The following PIP4K2A variants were observed in gnomAD, a reference collection of about 807,000 sequenced individuals.
PIP4K2A encodes phosphatidylinositol 5-phosphate 4-kinase type-2 alpha.
Under a neutral mutation model 42.9 loss-of-function variants are expected in PIP4K2A, and 14 were observed. The observed-to-expected ratio is 0.33, with a 90% CI of 0.22 to 0.51. The LOEUF is 0.51. PIP4K2A is among the 20% of genes least tolerant of loss of function. PIP4K2A has a pLI of 0.97. For missense variants in PIP4K2A, 434 were observed against 519.8 expected, an observed-to-expected ratio of 0.83 and a Z score of 1.61; for synonymous variants, 192 against 192.2, an observed-to-expected ratio of 1.00 and a Z score of 0.01.
At chr10:22,547,260 T>G (rs1176361840) in intron 7 of PIP4K2A, among the ~76,000 whole-genome samples, 1 of 152,250 alleles carries the variant, frequency 6.6e-6, no homozygotes, top group Non-Finnish European at 1.5e-5. Flanking sequence ...TGTTAAAAAT[T>G]ATAATCCTCC....
intron 7 of PIP4K2A, 61 bp downstream of exon 7, chr10:22,550,598 T>C: frequency 1.0e-6 from 1 of 953,558 alleles, no homozygotes; most frequent in Middle Eastern, 2.1e-4. Context: ...AAAAAGCTCC[T>C]AAAACCCAAC....
intron 7 of PIP4K2A, among the ~76,000 whole-genome samples, chr10:22,547,251 G>C (rs1836279639): frequency 6.6e-6 from 1 of 152,214 alleles, no homozygotes; most frequent in African/African-American, 2.4e-5. Flanking sequence ...CTTACCACTT[G>C]TTAAAAATTA....
intron 5 of PIP4K2A, among the ~76,000 whole-genome samples, chr10:22,568,301 T>G (rs12249358): frequency 1.3e-5 from 2 of 152,164 alleles, no homozygotes; most frequent in Non-Finnish European, 2.9e-5. Flanking sequence ...CTGGCTGCAG[T>G]GGGACCACAG....
Position 22,664,144 on chromosome 10 carries a change from T to C in PIP4K2A, c.144+50039A>G, listed in dbSNP as rs1390034656. ...ATATATATATACATATATATATACATATATATACACATATATATATATACA... is the reference window on the plus strand; with the variant it reads ...ATATATATATACATATATATATACACATATATACACATATATATATATACA... On this transcript the variant is annotated intron_variant, in intron 1 of 9. Coordinates refer to ENST00000376573, the MANE Select transcript of PIP4K2A (RefSeq NM_005028.5). Among the ~76,000 whole-genome samples the C allele has an allele frequency of 9.8e-4, 30 of 30,658 alleles. 1 individual carries two copies. The highest frequency in any genetic ancestry group is 9.1e-3 in the African/African-American group (28 of 3,062). 20.1% of individuals were successfully genotyped at this position (30,658 alleles called of 152,430 possible).
intron 1 of PIP4K2A, among the ~76,000 whole-genome samples, chr10:22,672,761 G>A (rs1219889250): frequency 6.6e-6 from 1 of 152,180 alleles, no homozygotes; most frequent in Non-Finnish European, 1.5e-5. Context: ...TAACTCACAT[G>A]AGTCACACCA....
At chr10:22,622,489 C>CCG (rs984923721) in intron 1 of PIP4K2A, among the ~76,000 whole-genome samples, 7 of 152,250 alleles carry the variant, frequency 4.6e-5, no homozygotes, top group South Asian at 2.1e-4. Flanking sequence ...GGGCCCTCTG[C>CCG]CGCTGTCCCC....
In PIP4K2A at chr10:22,664,048, C is replaced by CATATATATATATATACAT. The variant is rs1554807162; in HGVS notation, c.144+50134_144+50135insATGTATATATATATATAT. On this transcript the variant is annotated intron_variant, in intron 1 of 9. Transcript: ENST00000376573. ...ATATATATACATATATATATATATA[C>CATATATATATATATACAT]ATATGTATATATACATATATATATA... Among the ~76,000 whole-genome samples the CATATATATATATATACAT allele has an allele frequency of 3.1e-4, 24 of 76,806 alleles. 4 individuals are homozygous for CATATATATATATATACAT. Among genetic ancestry groups the CATATATATATATATACAT allele is most frequent in the African/African-American group, 2.5e-3 (24 of 9,432 alleles). The allele number at this position is 76,806 out of a possible 152,430, so 50.4% of individuals were successfully genotyped here.
At chr10:22,616,669 A>T (rs1459385042) in intron 1 of PIP4K2A, among the ~76,000 whole-genome samples, 1 of 152,024 alleles carries the variant, frequency 6.6e-6, no homozygotes, top group Non-Finnish European at 1.5e-5. Flanking sequence ...ATTGTGTTCA[A>T]AAAAACTTCT....
At chr10:22,689,819 T>C (rs1172801915) in intron 1 of PIP4K2A, among the ~76,000 whole-genome samples, 1 of 152,230 alleles carries the variant, frequency 6.6e-6, no homozygotes, top group African/African-American at 2.4e-5. Flanking sequence ...TGCAAACTGA[T>C]GGTTGTTGCC....
intron 3 of PIP4K2A, among the ~76,000 whole-genome samples, chr10:22,602,703 T>C (rs1837817185): frequency 6.6e-6 from 1 of 152,116 alleles, no homozygotes; most frequent in Non-Finnish European, 1.5e-5. Context: ...CACAAGTATT[T>C]CTTATTTACT....
chr10:22,668,345 C>A (rs1839388348), intron 1 of PIP4K2A, among the ~76,000 whole-genome samples: 1 of 152,170 alleles, frequency 6.6e-6, no homozygotes, highest in African/African-American at 2.4e-5. Flanking sequence ...TCATCACAGA[C>A]TATCACCAAC....
rs1320071932 is a variant in PIP4K2A, at chr10:22,535,103, TTTGTTATAGACAAAAA to T, written c.*2082_*2097del. 6.6e-6 allele frequency: 1 copy of T among 152,210 alleles called. No individual in the cohort carries two copies. The highest frequency in any genetic ancestry group is 1.5e-5 in the Non-Finnish European group (1 of 68,048). The allele number at this position is 152,210 out of a possible 1,614,324, so 9.4% of individuals were successfully genotyped here. On this transcript the variant is annotated 3_prime_UTR_variant, in exon 10 of 10. Coordinates refer to ENST00000376573, the MANE Select transcript of PIP4K2A (RefSeq NM_005028.5). ...ATCAACAGAAATAAATGACAGACTGTTTGTTATAGACAAAAATAAAAGCATTCTGTAAACTTCTAAA... is the reference window on the plus strand; with the variant it reads ...ATCAACAGAAATAAATGACAGACTGTTAAAAGCATTCTGTAAACTTCTAAA...
At chr10:22,604,626 A>G (rs968945504) in intron 3 of PIP4K2A, among the ~76,000 whole-genome samples, 1 of 152,192 alleles carries the variant, frequency 6.6e-6, no homozygotes, top group Non-Finnish European at 1.5e-5. Context: ...GTTGGGAAAG[A>G]GTATTCAAAA....
intron 1 of PIP4K2A, among the ~76,000 whole-genome samples, chr10:22,702,236 A>G (rs1833728464): frequency 6.6e-6 from 1 of 152,252 alleles, no homozygotes; most frequent in Non-Finnish European, 1.5e-5. Flanking sequence ...AAGAACCAGC[A>G]GAAACAATAC....
chr10:22,585,585 G>A (rs1483450994), intron 4 of PIP4K2A, among the ~76,000 whole-genome samples: 2 of 151,624 alleles, frequency 1.3e-5, no homozygotes, highest in Non-Finnish European at 2.9e-5. Flanking sequence ...CTTCAGGGAA[G>A]TATGTTACCA....
intron 9 of PIP4K2A, chr10:22,539,459 AACTC>A (rs1323167568): frequency 6.5e-6 from 1 of 153,328 alleles, no homozygotes; most frequent in Non-Finnish European, 1.5e-5. Context: ...GAAAAAATAC[AACTC>A]ACTGTGAGAA....
At chr10:22,690,630 C>CTA (rs1261540476) in intron 1 of PIP4K2A, among the ~76,000 whole-genome samples, 11 of 152,066 alleles carry the variant, frequency 7.2e-5, no homozygotes, top group African/African-American at 2.7e-4. Context: ...AGGAAAAACC[C>CTA]TAAGATTCAA....
Position 22,646,813 on chromosome 10 carries a change from C to T in PIP4K2A, c.145-37096G>A, listed in dbSNP as rs61219681. ...AAAGACAAAGTTTATCTAGTTAGAT[C>T]CTTCTTAAGATAGGTTGGCTGATAT... On this transcript the variant is annotated intron_variant, in intron 1 of 9. Transcript: ENST00000376573. 2.0e-3 allele frequency among the ~76,000 whole-genome samples: 302 copies of T among 152,214 alleles called. 2 individuals are homozygous for T. Among genetic ancestry groups the T allele is most frequent in the African/African-American group, 6.6e-3 (274 of 41,536 alleles).
At chr10:22,691,328 C>T (rs1169161767) in intron 1 of PIP4K2A, among the ~76,000 whole-genome samples, 1 of 152,140 alleles carries the variant, frequency 6.6e-6, no homozygotes, top group Non-Finnish European at 1.5e-5. Flanking sequence ...CATCCATATA[C>T]CGGCCCTCTT....
Sources: allele counts gnomAD v4.1 joint callset (sites outside exome capture counted in the v4.1 genomes callset), GRCh38; gene constraint gnomAD v4.1.1; transcripts MANE v1.5; gene names NCBI Gene and HGNC (gene_info 2026-07-23, HGNC 2026-07-21).